Variants in PRKCE observed in about 807,000 individuals in gnomAD.
PRKCE encodes protein kinase C epsilon type.
In PRKCE, 16 loss-of-function variants were observed where a neutral mutation model predicts 85.4. That is an observed-to-expected ratio of 0.19 (90% CI 0.13 to 0.28). The LOEUF is 0.28. Among genes scored for constraint, PRKCE ranks in the 10% least tolerant of loss-of-function variants. The probability of loss-of-function intolerance (pLI) is 1.00; values close to 1 mark genes in which losing one functional copy is unlikely to be tolerated. For missense variants in PRKCE, 573 were observed against 975.2 expected (o/e 0.59, Z 5.49); for synonymous variants, 388 against 371.5 (o/e 1.04, Z -0.51).
intron 2 of PRKCE, among the ~76,000 whole-genome samples, chr2:45,973,501 G>A (rs556118291): frequency 1.3e-4 from 20 of 152,310 alleles, no homozygotes; most frequent in African/African-American, 4.3e-4. Context: ...AGGCAGTGCA[G>A]ATGCTCCTTT....
At position 46,105,879 on chromosome 2, in the gene PRKCE, T is replaced by C. The variant is rs139742936; in HGVS notation, c.1592+19517T>C. On this transcript the variant is annotated intron_variant, in intron 11 of 14. Transcript: ENST00000306156. ...TACATACTGCATCATTACATTCATT[T>C]ACATTTTTCATGACTGCAAATGGCA... Among the ~76,000 whole-genome samples, 390 of 152,378 alleles carry C rather than the reference T, an allele frequency of 2.6e-3. 1 individual carries two copies. Among genetic ancestry groups the C allele is most frequent in the African/African-American group, 9.2e-3 (384 of 41,590 alleles).
intron 1 of PRKCE, among the ~76,000 whole-genome samples, chr2:45,776,074 C>A (rs1015775269): frequency 6.6e-6 from 1 of 152,186 alleles, no homozygotes; most frequent in Non-Finnish European, 1.5e-5. Flanking sequence ...GATCTCCTTA[C>A]CCCATGCTAT....
intron 2 of PRKCE, among the ~76,000 whole-genome samples, chr2:45,884,039 G>A (rs185321772): frequency 1.4e-4 from 22 of 152,314 alleles, no homozygotes; most frequent in African/African-American, 4.8e-4. Context: ...AGTGAGTGGC[G>A]TTGTGGACTG....
At chr2:45,720,274 G>A (rs1003905049) in intron 1 of PRKCE, among the ~76,000 whole-genome samples, 18 of 152,160 alleles carry the variant, frequency 1.2e-4, no homozygotes, top group Admixed American at 2.0e-4. Context: ...TTGAGATAAA[G>A]TGAAGTGAGT....
intron 1 of PRKCE, among the ~76,000 whole-genome samples, chr2:45,724,674 C>G (rs1264538294): frequency 6.6e-6 from 1 of 152,198 alleles, no homozygotes; most frequent in East Asian, 1.9e-4. Flanking sequence ...AGTGAAACAG[C>G]CTTACTGCTG....
intron 10 of PRKCE, among the ~76,000 whole-genome samples, chr2:46,036,770 G>A (rs141833893): frequency 2.8e-3 from 429 of 152,246 alleles, no homozygotes; most frequent in East Asian, 9.8e-3. Flanking sequence ...CAAGCCCGGC[G>A]GACACTTGAG....
At chr2:46,013,819 ACTT>A (rs1381097353) in intron 10 of PRKCE, among the ~76,000 whole-genome samples, 3 of 152,196 alleles carry the variant, frequency 2.0e-5, no homozygotes, top group Non-Finnish European at 2.9e-5. Flanking sequence ...TCCTTTGAGA[ACTT>A]CTTCTGAGAG....
chr2:46,116,025 T>C (rs1171174076), intron 11 of PRKCE, among the ~76,000 whole-genome samples: 1 of 152,224 alleles, frequency 6.6e-6, no homozygotes, highest in Non-Finnish European at 1.5e-5. Context: ...GGTTTCTCCA[T>C]AAGGTGAATG....
rs1312741354 is a variant in PRKCE, at chr2:45,907,221, A to G, written c.412+64158A>G. Reference sequence around the variant, plus strand: ...AGAAAAATGAAGCTTTAACTATCACAGAGCATCTGACTGAGAATAAAAAGA... The same window carrying G: ...AGAAAAATGAAGCTTTAACTATCACGGAGCATCTGACTGAGAATAAAAAGA... On this transcript the variant is annotated intron_variant, in intron 2 of 14. Coordinates refer to ENST00000306156, the MANE Select transcript of PRKCE (RefSeq NM_005400.3). The surrounding 1 kb of genome is among the most constrained non-coding windows in gnomAD (Gnocchi z 4.5). Among the ~76,000 whole-genome samples, 1 of 152,270 alleles carries G rather than the reference A, an allele frequency of 6.6e-6. No individual in the cohort carries two copies.
chr2:45,871,461 C>T (rs1036619315), intron 2 of PRKCE, among the ~76,000 whole-genome samples: 2 of 152,206 alleles, frequency 1.3e-5, no homozygotes, highest in Non-Finnish European at 2.9e-5. Context: ...ATAGTTGCTC[C>T]GTGGCTTTGC....
intron 1 of PRKCE, among the ~76,000 whole-genome samples, chr2:45,730,449 G>C (rs1022682709): frequency 6.8e-6 from 1 of 148,058 alleles, no homozygotes; most frequent in African/African-American, 2.5e-5. Flanking sequence ...TGAGCCACCA[G>C]TTGTAATTTT....
At position 46,164,590 on chromosome 2, in the gene PRKCE, C is replaced by CG. The variant is rs147439522; in HGVS notation, c.2067+4844dup. Among the ~76,000 whole-genome samples the CG allele has an allele frequency of 5.3e-3, 805 of 152,248 alleles. 3 individuals are homozygous for CG. Among genetic ancestry groups the CG allele is most frequent in the African/African-American group, 0.017 (702 of 41,540 alleles). On this transcript the variant is annotated intron_variant, in intron 14 of 14. Coordinates refer to ENST00000306156, the MANE Select transcript of PRKCE (RefSeq NM_005400.3). ...CATACTGAATCTGGGTGACCCGGGGCGGGGGGTGCCCTGCCTGTCTGATAC... is the reference window on the plus strand; with the variant it reads ...CATACTGAATCTGGGTGACCCGGGGCGGGGGGGTGCCCTGCCTGTCTGATAC...
chr2:45,894,529 C>A (rs1419533544), intron 2 of PRKCE, among the ~76,000 whole-genome samples: 2 of 151,468 alleles, frequency 1.3e-5, no homozygotes, highest in African/African-American at 4.9e-5. Context: ...TGACCTTGGG[C>A]AAGTTACTTA....
chr2:45,762,847 G>T (rs1275226757), intron 1 of PRKCE, among the ~76,000 whole-genome samples: 2 of 152,188 alleles, frequency 1.3e-5, no homozygotes, highest in African/African-American at 4.8e-5. Context: ...GCTGTTGGGG[G>T]CCCTCAGGCT....
rs776720854 is a variant in PRKCE at position 45,976,562 on chromosome 2, C to T, written c.546C>T (p.Tyr182=). ...FMATYLRQPT[Y]CSHCRDFIWG... The stretch of plus-strand genomic sequence containing the variant: ...CCACCTATCTTCGGCAGCCCACCTA[C>T]TGCTCCCATTGCAGAGACTTCATCT... The change falls in exon 3 of 15, where the codon TAC becomes TAT. Residue 182 remains tyrosine (Y), a synonymous_variant. Coordinates refer to ENST00000306156, the MANE Select transcript of PRKCE (RefSeq NM_005400.3). The T allele has an allele frequency of 1.3e-6, 2 of 1,599,688 alleles. No homozygotes were observed. The highest frequency in any genetic ancestry group is 1.3e-5 in the African/African-American group (1 of 74,952).
chr2:46,144,983 C>T (rs985429366), intron 11 of PRKCE, 110 bp from the exon 12 acceptor site: 1 of 1,496,862 alleles, frequency 6.7e-7, no homozygotes, highest in South Asian at 1.2e-5. Context: ...AAGCTTCTTT[C>T]AGGACTTTTT....
intron 1 of PRKCE, among the ~76,000 whole-genome samples, chr2:45,732,932 G>C (rs142454851): frequency 5.1e-4 from 78 of 152,264 alleles, no homozygotes; most frequent in African/African-American, 1.4e-3. Flanking sequence ...ATCAAGGGTC[G>C]ACGACTTTCT....
intron 11 of PRKCE, among the ~76,000 whole-genome samples, chr2:46,135,931 GAAAA>G (rs1674947256): frequency 2.0e-5 from 3 of 151,014 alleles, no homozygotes; most frequent in Admixed American, 6.6e-5. Context: ...TGTTGATCTG[GAAAA>G]AACGTCTTTC....
intron 14 of PRKCE, among the ~76,000 whole-genome samples, chr2:46,160,214 G>A (rs947791458): frequency 6.6e-6 from 1 of 152,224 alleles, no homozygotes; most frequent in Non-Finnish European, 1.5e-5. Flanking sequence ...GCAGCAGGAA[G>A]GATGGTGCTG....
Sources: gnomAD v4.1 joint callset for allele counts (sites outside exome capture counted in the v4.1 genomes callset) on GRCh38, gnomAD v4.1.1 for gene constraint, Gnocchi (gnomAD v3.1) non-coding constraint, MANE v1.5 for transcripts, NCBI Gene and HGNC (gene_info 2026-07-23, HGNC 2026-07-21) for gene names.